RALY: variants seen among roughly 807,000 people sequenced by gnomAD.
RALY encodes RNA-binding protein Raly.
RALY carries 15 observed loss-of-function variants against 30.7 expected under a neutral mutation model. That is an observed-to-expected ratio of 0.49 (90% CI 0.33 to 0.75). RALY has a LOEUF of 0.75. Ranked by LOEUF, RALY falls within the 30% of genes least tolerant of loss-of-function variation. The probability of loss-of-function intolerance (pLI) is 0.02; values close to 1 mark genes in which losing one functional copy is unlikely to be tolerated. For missense variants in RALY, 339 were observed against 414.3 expected (o/e 0.82, Z 1.58); for synonymous variants, 177 against 170.8 (o/e 1.04, Z -0.28).
At chr20:34,077,360 T>C (rs762561071) in intron 8 of RALY, 115 bp downstream of exon 8, 12 of 1,548,810 alleles carry the variant, frequency 7.7e-6, no homozygotes, top group Non-Finnish European at 9.6e-6. Flanking sequence ...TCCTGTTCTC[T>C]CCTTCCCAGG....
At chr20:34,067,816 C>CTTTTTTTTTT (rs11480087) in intron 2 of RALY, among the ~76,000 whole-genome samples, 29 of 132,668 alleles carry the variant, frequency 2.2e-4, no homozygotes, top group African/African-American at 4.6e-4. Flanking sequence ...TTTCTTTTTT[C>CTTTTTTTTTT]TTTTTTTTTT....
At chr20:34,022,097 T>C (rs2031849868) in intron 1 of RALY, among the ~76,000 whole-genome samples, 1 of 148,746 alleles carries the variant, frequency 6.7e-6, no homozygotes, top group African/African-American at 2.5e-5. Flanking sequence ...TTTCTTTCTT[T>C]TTTTTTTTTT....
At chr20:34,018,562 T>G (rs2031695014) in intron 1 of RALY, among the ~76,000 whole-genome samples, 1 of 152,214 alleles carries the variant, frequency 6.6e-6, no homozygotes, top group Non-Finnish European at 1.5e-5. Context: ...TAATTAAAAC[T>G]TGACAGCCGT....
At chr20:34,062,672 G>A (rs186929889) in intron 2 of RALY, among the ~76,000 whole-genome samples, 3 of 152,368 alleles carry the variant, frequency 2.0e-5, no homozygotes, top group Admixed American at 1.3e-4. Flanking sequence ...GTAATGGATG[G>A]CAAAACAAGA....
In RALY at chr20:34,064,578, G is replaced by C. The variant is rs1020090015; in HGVS notation, c.-9-7488G>C. Among the ~76,000 whole-genome samples the C allele has an allele frequency of 2.0e-5, 3 of 152,132 alleles. No individual in the cohort carries two copies. The South Asian group carries it at 6.2e-4, about 32-fold the overall frequency. On this transcript the variant is annotated intron_variant, in intron 2 of 9. Coordinates refer to ENST00000246194, the MANE Select transcript of RALY (RefSeq NM_016732.3). ...ACACCTTTGTGAAGTTTCTAGGTTTGGTTGCAGATACTAGGACAAGGGAGA... is the reference window on the plus strand; with the variant it reads ...ACACCTTTGTGAAGTTTCTAGGTTTCGTTGCAGATACTAGGACAAGGGAGA...
At chr20:34,066,676 C>T (rs1360268134) in intron 2 of RALY, among the ~76,000 whole-genome samples, 1 of 146,408 alleles carries the variant, frequency 6.8e-6, no homozygotes, top group African/African-American at 2.6e-5. Context: ...CTTGCGTGAG[C>T]CACTTCCTGG....
chr20:34,008,768 C>G (rs2031273709), intron 1 of RALY, among the ~76,000 whole-genome samples: 1 of 152,176 alleles, frequency 6.6e-6, no homozygotes, highest in Non-Finnish European at 1.5e-5. Context: ...AAGCTATCCT[C>G]ACGCCTCAGT....
chr20:34,034,926 G>T (rs561662449), intron 2 of RALY, among the ~76,000 whole-genome samples: 1 of 152,208 alleles, frequency 6.6e-6, no homozygotes, highest in South Asian at 2.1e-4. Context: ...GCCGAGTCAG[G>T]TGGATCACAA....
intron 2 of RALY, among the ~76,000 whole-genome samples, chr20:34,070,996 A>T (rs1016334255): frequency 1.3e-5 from 2 of 152,152 alleles, no homozygotes; most frequent in African/African-American, 4.8e-5. Context: ...TGGCCAGGGC[A>T]GGAGGAAAAG....
At chr20:34,021,903 GT>G (rs2031838586) in intron 1 of RALY, among the ~76,000 whole-genome samples, 1 of 150,218 alleles carries the variant, frequency 6.7e-6, no homozygotes, top group South Asian at 2.1e-4. Context: ...GTTCTTTTAA[GT>G]TTTTTTATTA....
intron 6 of RALY, 88 bp downstream of exon 6, chr20:34,076,128 T>A: frequency 6.9e-7 from 1 of 1,450,166 alleles, no homozygotes; most frequent in African/African-American, 1.4e-5. Flanking sequence ...GGAACATAGA[T>A]AAAACAACAA....
At chr20:34,025,624 TC>T (rs2031992555) in intron 1 of RALY, among the ~76,000 whole-genome samples, 1 of 151,980 alleles carries the variant, frequency 6.6e-6, no homozygotes, top group Admixed American at 6.6e-5. Context: ...CGGTCAGTCT[TC>T]CTGCAGGCCC....
chr20:34,033,855 T>A (rs188277347), intron 2 of RALY, among the ~76,000 whole-genome samples: 27 of 152,294 alleles, frequency 1.8e-4, no homozygotes, highest in Admixed American at 1.2e-3. Context: ...ACTGTAAATC[T>A]TCTTCTGTGC....
rs1189402979 is a variant in RALY at position 34,082,731 on chromosome 20, C to T, written c.*2826C>T. On this transcript the variant is annotated 3_prime_UTR_variant, in exon 10 of 10. Transcript: ENST00000246194. ...GCCAGGCCCTTGGGTGGGAGGTTGG[C>T]TTCTAACAGTGCATACACATGCCCT... The T allele has an allele frequency of 6.6e-6, 1 of 152,234 alleles. No individual in the cohort carries two copies. The highest frequency in any genetic ancestry group is 1.5e-5 in the Non-Finnish European group (1 of 68,060). 9.4% of individuals were successfully genotyped at this position (152,234 alleles called of 1,614,324 possible). A position where few individuals can be genotyped will look rare whatever the true frequency, so the allele number is the denominator to read the frequency against.
rs980660170 is a variant in RALY at position 34,011,230 on chromosome 20, T to C, written c.-93+17099T>C. 3.3e-5 allele frequency among the ~76,000 whole-genome samples: 5 copies of C among 152,212 alleles called. No individual in the cohort carries two copies. In the East Asian group the frequency reaches 5.8e-4, roughly 18 times the overall value. ...ATGAATGATAAATTAGCATGAATTC[T>C]TGAGATAAAGTGAGAAAGCATCAAA... On this transcript the variant is annotated intron_variant, in intron 1 of 9. Transcript: ENST00000246194.
chr20:34,013,440 A>C (rs2031491360), intron 1 of RALY, among the ~76,000 whole-genome samples: 1 of 147,914 alleles, frequency 6.8e-6, no homozygotes. Context: ...AAAAAAAGGC[A>C]TTTCGACTTA....
intron 9 of RALY, among the ~76,000 whole-genome samples, chr20:34,079,615 A>G (rs1296142853): frequency 6.6e-6 from 1 of 152,158 alleles, no homozygotes; most frequent in Non-Finnish European, 1.5e-5. Flanking sequence ...TGGGATGCAA[A>G]CAAACCTCCA....
At position 34,073,883 on chromosome 20, in the gene RALY, C is replaced by T. The variant is rs773372683; in HGVS notation, c.377+17C>T. The T allele has an allele frequency of 3.1e-6, 5 of 1,612,614 alleles. No homozygotes were observed. In the South Asian group the frequency reaches 3.3e-5, roughly 11 times the overall value. On this transcript the variant is annotated intron_variant, in intron 5 of 9. Transcript: ENST00000246194. ...CTACGACAGGTGAGCAGGGGAGGGG[C>T]GTGCCCAGGCATGAAACAGCCAAGC... is the stretch of plus-strand genomic sequence containing the variant.
At chr20:34,072,720 C>T (rs777799497) in intron 3 of RALY, among the ~76,000 whole-genome samples, 1 of 152,170 alleles carries the variant, frequency 6.6e-6, no homozygotes. Context: ...AGTGTGAATA[C>T]GCTTGGTTTT....
Sources: allele counts gnomAD v4.1 joint callset (sites outside exome capture counted in the v4.1 genomes callset), GRCh38; gene constraint gnomAD v4.1.1; transcripts MANE v1.5; gene names NCBI Gene and HGNC (gene_info 2026-07-23, HGNC 2026-07-21).